TDRD7: variants seen among roughly 807,000 people sequenced by gnomAD.
TDRD7 encodes tudor domain containing 7, also known as tudor domain-containing protein 7.
In TDRD7, 47 loss-of-function variants were observed where a neutral mutation model predicts 109.8. That is an observed-to-expected ratio of 0.43 (90% CI 0.34 to 0.55). The LOEUF is 0.55. TDRD7 is among the 20% of genes least tolerant of loss of function. TDRD7 has a pLI of 0.03. For synonymous variants in TDRD7, 424 were observed against 457.3 expected, an observed-to-expected ratio of 0.93 and a Z score of 0.93; for missense variants, 1,164 against 1,319.2, an observed-to-expected ratio of 0.88 and a Z score of 1.82.
chr9:97,421,452 G>A (rs1368962508), intron 1 of TDRD7, among the ~76,000 whole-genome samples: 1 of 152,064 alleles, frequency 6.6e-6, no homozygotes, highest in African/African-American at 2.4e-5. Context: ...ATTGAGTTTT[G>A]AGTATTGTTT....
chr9:97,444,207 A>G (rs1467223396), intron 6 of TDRD7, among the ~76,000 whole-genome samples: 1 of 152,218 alleles, frequency 6.6e-6, no homozygotes, highest in East Asian at 1.9e-4. Context: ...CCGTCCAAGC[A>G]ATGAGAGTCA....
intron 16 of TDRD7, among the ~76,000 whole-genome samples, chr9:97,495,395 A>G (rs1829381187): frequency 6.6e-6 from 1 of 152,200 alleles, no homozygotes; most frequent in Non-Finnish European, 1.5e-5. Context: ...TACAGTAGTC[A>G]TTATTACCTC....
At chr9:97,424,485 G>A (rs1827953878) in intron 1 of TDRD7, among the ~76,000 whole-genome samples, 1 of 152,172 alleles carries the variant, frequency 6.6e-6, no homozygotes, top group African/African-American at 2.4e-5. Context: ...ATCAGATTTT[G>A]TGTGTTTGGA....
rs575453539 is a variant in TDRD7 at position 97,441,602 on chromosome 9, G to A, written c.638-56G>A. ...TGAAGATGCAAATATTAGGTAATGG[G>A]GATAATCTAAAATGTTAAGCATTTT... is the stretch of plus-strand genomic sequence containing the variant. On this transcript the variant is annotated intron_variant, in intron 5 of 16. Transcript: ENST00000355295. The A allele has an allele frequency of 4.9e-6, 7 of 1,433,840 alleles. No homozygotes were observed. The East Asian group carries it at 1.2e-4, about 26-fold the overall frequency. The allele number at this position is 1,433,840 out of a possible 1,614,324, so 88.8% of individuals were successfully genotyped here.
At chr9:97,422,839 A>G (rs1827921844) in intron 1 of TDRD7, among the ~76,000 whole-genome samples, 1 of 152,056 alleles carries the variant, frequency 6.6e-6, no homozygotes, top group African/African-American at 2.4e-5. Flanking sequence ...ATATTGATTG[A>G]CTTAATGAAT....
intron 6 of TDRD7, among the ~76,000 whole-genome samples, chr9:97,449,475 G>T (rs557876991): frequency 6.6e-6 from 1 of 152,058 alleles, no homozygotes; most frequent in Non-Finnish European, 1.5e-5. Flanking sequence ...GGAGTGGCTC[G>T]CAGAACTCAG....
At chr9:97,461,413 T>C (rs1000502616) in intron 7 of TDRD7, among the ~76,000 whole-genome samples, 4 of 152,264 alleles carry the variant, frequency 2.6e-5, no homozygotes, top group Non-Finnish European at 5.9e-5. Flanking sequence ...CTATGTAGTA[T>C]TTCCTAAAAG....
chr9:97,431,520 C>T (rs1449116446), intron 3 of TDRD7, among the ~76,000 whole-genome samples: 1 of 152,156 alleles, frequency 6.6e-6, no homozygotes, highest in Non-Finnish European at 1.5e-5. Context: ...TTACCGAACA[C>T]TTATCTCAAG....
At chr9:97,488,560 G>GTTTTTTTTTTTT (rs61689126) in intron 16 of TDRD7, among the ~76,000 whole-genome samples, 1 of 140,592 alleles carries the variant, frequency 7.1e-6, no homozygotes, top group Non-Finnish European at 1.5e-5. Context: ...AGATTTAATG[G>GTTTTTTTTTTTT]TTTTTTTTTT....
intron 11 of TDRD7, among the ~76,000 whole-genome samples, chr9:97,473,856 A>G (rs1414698179): frequency 6.6e-6 from 1 of 152,182 alleles, no homozygotes; most frequent in African/African-American, 2.4e-5. Context: ...TGTGTACCCT[A>G]TAGGATTGTC....
At chr9:97,449,201 T>C (rs1828449071) in intron 6 of TDRD7, among the ~76,000 whole-genome samples, 1 of 152,146 alleles carries the variant, frequency 6.6e-6, no homozygotes, top group Non-Finnish European at 1.5e-5. Context: ...ACCACAACAA[T>C]CAACACAGAA....
chr9:97,424,279 C>T (rs1827949470), intron 1 of TDRD7, among the ~76,000 whole-genome samples: 1 of 151,998 alleles, frequency 6.6e-6, no homozygotes, highest in African/African-American at 2.4e-5. Flanking sequence ...TGATCTTGAA[C>T]TCCCAACCTC....
At chr9:97,449,073 G>A (rs550729598) in intron 6 of TDRD7, among the ~76,000 whole-genome samples, 9 of 152,328 alleles carry the variant, frequency 5.9e-5, no homozygotes, top group South Asian at 4.1e-4. Context: ...GTTTCTAGGC[G>A]TGTAGGATGA....
chr9:97,484,295 G>A (rs1829173958), intron 15 of TDRD7, among the ~76,000 whole-genome samples: 1 of 152,034 alleles, frequency 6.6e-6, no homozygotes, highest in Non-Finnish European at 1.5e-5. Context: ...AGCCCTGCAG[G>A]ATGTGCTGGT....
At chr9:97,422,890 T>C (rs1827922642) in intron 1 of TDRD7, among the ~76,000 whole-genome samples, 1 of 152,236 alleles carries the variant, frequency 6.6e-6, no homozygotes, top group Non-Finnish European at 1.5e-5. Flanking sequence ...CTTTAACTGG[T>C]TATTATGTCT....
At position 97,495,697 on chromosome 9, in the gene TDRD7, T is replaced by C. The variant is rs1829385135; in HGVS notation, c.3111T>C (p.Ser1037=). The C allele has an allele frequency of 1.2e-6, 2 of 1,614,188 alleles. No individual in the cohort carries two copies. Among genetic ancestry groups the C allele is most frequent in the Non-Finnish European group, 8.5e-7 (1 of 1,180,020 alleles). ...VKCNQWSEEA[S]MVFRNHVEKK... is the part of the protein sequence containing the mutation. ...GCAACCAGTGGTCTGAGGAGGCTTC[T>C]ATGGTGTTTCGAAATCATGTGGAGA... is the stretch of plus-strand genomic sequence containing the variant. Residue 1037 remains serine, a synonymous_variant, in exon 17 of 17, where the codon TCT becomes TCC. Coordinates refer to ENST00000355295, the MANE Select transcript of TDRD7 (RefSeq NM_014290.3).
chr9:97,476,066 T>C (rs561435035), intron 12 of TDRD7, among the ~76,000 whole-genome samples: 108 of 152,200 alleles, frequency 7.1e-4, no homozygotes, highest in Admixed American at 1.8e-3. Context: ...TCTTCCAGGG[T>C]ACATACATAG....
intron 5 of TDRD7, 134 bp from the exon 6 acceptor site, chr9:97,441,524 C>T (rs557084922): frequency 5.3e-6 from 4 of 749,434 alleles, no homozygotes; most frequent in Middle Eastern, 3.8e-4. Flanking sequence ...TCTGCCTAAT[C>T]CTGCTCCCTT....
At chr9:97,461,568 A>G (rs997686258) in intron 7 of TDRD7, among the ~76,000 whole-genome samples, 1 of 152,248 alleles carries the variant, frequency 6.6e-6, no homozygotes, top group Admixed American at 6.6e-5. Context: ...GGTAGCTAAC[A>G]ATAACTAGAA....
Sources: allele counts gnomAD v4.1 joint callset (sites outside exome capture counted in the v4.1 genomes callset), GRCh38; gene constraint gnomAD v4.1.1; transcripts MANE v1.5; gene names NCBI Gene and HGNC (gene_info 2026-07-23, HGNC 2026-07-21).